Variants in COL24A1 observed in about 807,000 individuals in gnomAD.
The protein encoded by COL24A1 is collagen alpha-1(XXIV) chain.
COL24A1 carries 224 observed loss-of-function variants against 253.9 expected under a neutral mutation model. That is an observed-to-expected ratio of 0.88 (90% CI 0.79 to 0.99). COL24A1 has a LOEUF of 0.99. Ranked by LOEUF, COL24A1 falls within the 50% of genes least tolerant of loss-of-function variation. The probability of loss-of-function intolerance (pLI) is 0.00; values close to 1 mark genes in which losing one functional copy is unlikely to be tolerated. For synonymous variants in COL24A1, 685 were observed against 673.7 expected, an observed-to-expected ratio of 1.02 and a Z score of -0.26; for missense variants, 2,131 against 2,068.5, an observed-to-expected ratio of 1.03 and a Z score of -0.59.
chr1:86,090,108 C>T (rs987362681), intron 6 of COL24A1, among the ~76,000 whole-genome samples: 5 of 152,264 alleles, frequency 3.3e-5, no homozygotes, highest in African/African-American at 1.2e-4. Context: ...ATTGGGAAGT[C>T]CATCATGTGC....
intron 12 of COL24A1, among the ~76,000 whole-genome samples, chr1:86,045,411 G>A (rs1303153487): frequency 6.6e-6 from 1 of 152,118 alleles, no homozygotes; most frequent in African/African-American, 2.4e-5. Flanking sequence ...TAGGAGAAGG[G>A]TGAAAATTTG....
intron 47 of COL24A1, among the ~76,000 whole-genome samples, chr1:85,807,004 G>C (rs1672046315): frequency 6.6e-6 from 1 of 152,180 alleles, no homozygotes; most frequent in South Asian, 2.1e-4. Context: ...GGTGGAGAAA[G>C]AGAAGAACTC....
chr1:86,013,367 C>T, intron 19 of COL24A1, among the ~76,000 whole-genome samples: 1 of 152,064 alleles, frequency 6.6e-6, no homozygotes, highest in East Asian at 1.9e-4. Flanking sequence ...GAATTGCTAC[C>T]CTCCTTTTGA....
At chr1:86,074,414 A>G (rs533964274) in intron 7 of COL24A1, among the ~76,000 whole-genome samples, 1 of 152,344 alleles carries the variant, frequency 6.6e-6, no homozygotes, top group East Asian at 1.9e-4. Context: ...TAACACTTCT[A>G]AATATACATG....
chr1:85,843,480 C>A (rs1171776825), intron 39 of COL24A1, among the ~76,000 whole-genome samples: 4 of 151,710 alleles, frequency 2.6e-5, no homozygotes, highest in African/African-American at 9.7e-5. Flanking sequence ...TAGTCTCATC[C>A]AACAAAAAAG....
chr1:86,015,842 G>A (rs552742907), intron 19 of COL24A1, among the ~76,000 whole-genome samples: 3 of 150,072 alleles, frequency 2.0e-5, no homozygotes, highest in South Asian at 4.2e-4. Context: ...CTCTCTATTG[G>A]TAAAACTAGC....
At chr1:86,106,298 C>A (rs1243548640) in intron 5 of COL24A1, among the ~76,000 whole-genome samples, 9 of 151,732 alleles carry the variant, frequency 5.9e-5, no homozygotes, top group Non-Finnish European at 1.0e-4. Context: ...GTGTTCAATA[C>A]TTTATATATA....
chr1:86,006,387 G>T (rs991258687), intron 19 of COL24A1, among the ~76,000 whole-genome samples: 1 of 152,174 alleles, frequency 6.6e-6, no homozygotes, highest in Admixed American at 6.5e-5. Context: ...TTTGACAAAG[G>T]AGCGAAGGCA....
At chr1:85,940,063 A>C (rs1005821410) in intron 24 of COL24A1, among the ~76,000 whole-genome samples, 3 of 152,182 alleles carry the variant, frequency 2.0e-5, no homozygotes, top group Non-Finnish European at 4.4e-5. Flanking sequence ...GGATGAATTG[A>C]AGAAAAAGCA....
chr1:85,800,541 A>C (rs1406399208), intron 47 of COL24A1, among the ~76,000 whole-genome samples: 2 of 152,232 alleles, frequency 1.3e-5, no homozygotes, highest in Non-Finnish European at 2.9e-5. Flanking sequence ...TTGGTAGCTC[A>C]TATAATCACA....
rs764435541 is a variant in COL24A1 at position 85,911,362 on chromosome 1, T to C, written c.2616+18A>G. The C allele has an allele frequency of 6.2e-7, 1 of 1,605,220 alleles. No homozygotes were observed. The highest frequency in any genetic ancestry group is 2.2e-5 in the East Asian group (1 of 44,782). On this transcript the variant is annotated intron_variant, in intron 25 of 59. Transcript: ENST00000370571. ...CTAGATTTCTTCCTATAAAACAAAA[T>C]AATTCTTAAAAAATTACCTTTTCGC...
intron 43 of COL24A1, among the ~76,000 whole-genome samples, chr1:85,830,515 C>T (rs1300911907): frequency 6.6e-6 from 1 of 152,154 alleles, no homozygotes; most frequent in Non-Finnish European, 1.5e-5. Flanking sequence ...GTGCCCCTCC[C>T]CCAGCCTGGC....
intron 57 of COL24A1, among the ~76,000 whole-genome samples, chr1:85,737,883 TG>T (rs1371491375): frequency 2.0e-5 from 3 of 152,168 alleles, no homozygotes; most frequent in African/African-American, 7.2e-5. Context: ...TAAATGGTCA[TG>T]GTACTTTAAA....
chr1:85,776,311 A>G (rs1333895041), intron 52 of COL24A1, among the ~76,000 whole-genome samples: 1 of 151,998 alleles, frequency 6.6e-6, no homozygotes, highest in East Asian at 1.9e-4. Context: ...ACCTTCTATG[A>G]CCTCAGTTCT....
intron 7 of COL24A1, among the ~76,000 whole-genome samples, chr1:86,078,111 T>C (rs1486007754): frequency 6.6e-6 from 1 of 152,122 alleles, no homozygotes; most frequent in African/African-American, 2.4e-5. Context: ...TATGACCAAG[T>C]GGGATTTATC....
Position 85,923,013 on chromosome 1 carries a change from T to G in COL24A1, c.2563-11580A>C, listed in dbSNP as rs192099604. Reference sequence around the variant, plus strand: ...GGAGAACAAAAAAAAAAGCAGGGGTTGTAATCCTAGTCTCTGATGAAACAG... The same window carrying G: ...GGAGAACAAAAAAAAAAGCAGGGGTGGTAATCCTAGTCTCTGATGAAACAG... On this transcript the variant is annotated intron_variant, in intron 24 of 59. Transcript: ENST00000370571. Among the ~76,000 whole-genome samples, 465 of 150,722 alleles carry G rather than the reference T, an allele frequency of 3.1e-3. 3 individuals carry two copies. The highest frequency in any genetic ancestry group is 0.011 in the African/African-American group (451 of 41,210).
At chr1:85,830,074 A>G (rs1435817867) in intron 43 of COL24A1, among the ~76,000 whole-genome samples, 1 of 151,682 alleles carries the variant, frequency 6.6e-6, no homozygotes, top group Non-Finnish European at 1.5e-5. Context: ...TTGGTCTTTG[A>G]TGATGGTGAT....
chr1:85,775,716 G>GAAA lies in COL24A1; in HGVS notation c.4339-10_4339-8dup. The GAAA allele has an allele frequency of 2.1e-6, 3 of 1,452,002 alleles. No individual in the cohort carries two copies. Among genetic ancestry groups the GAAA allele is most frequent in the Non-Finnish European group, 1.9e-6 (2 of 1,074,728 alleles). The allele number at this position is 1,452,002 out of a possible 1,614,324, so 89.9% of individuals were successfully genotyped here. On this transcript the variant is annotated splice_region_variant and splice_polypyrimidine_tract_variant and intron_variant, in intron 52 of 59. Coordinates refer to ENST00000370571, the MANE Select transcript of COL24A1 (RefSeq NM_152890.7). ...CCTTTTCACCTCTGGGTCCCTAAAA[G>GAAA]AAAAAAAAAAGATGTTAGTTCATTG...
chr1:86,076,730 C>T (rs917980129), intron 7 of COL24A1, among the ~76,000 whole-genome samples: 1 of 152,154 alleles, frequency 6.6e-6, no homozygotes, highest in African/African-American at 2.4e-5. Context: ...CTGACAAAAA[C>T]AAGCAATGGG....
Sources: gnomAD v4.1 joint callset for allele counts (sites outside exome capture counted in the v4.1 genomes callset) on GRCh38, gnomAD v4.1.1 for gene constraint, MANE v1.5 for transcripts, NCBI Gene and HGNC (gene_info 2026-07-23, HGNC 2026-07-21) for gene names.